The following SYNDIG1 variants were observed in gnomAD, a reference collection of about 807,000 sequenced individuals.
The protein encoded by SYNDIG1 is synapse differentiation-inducing gene protein 1.
A neutral mutation model predicts 19.4 loss-of-function variants in SYNDIG1; 9 were observed. That is an observed-to-expected ratio of 0.46 (90% CI 0.28 to 0.81). SYNDIG1 has a LOEUF of 0.81. Among genes scored for constraint, SYNDIG1 ranks in the 30% least tolerant of loss-of-function variants. The pLI is 0.12. For synonymous variants in SYNDIG1, 141 were observed against 145.9 expected, an observed-to-expected ratio of 0.97 and a Z score of 0.24; for missense variants, 311 against 343.3, an observed-to-expected ratio of 0.91 and a Z score of 0.74.
intron 3 of SYNDIG1, among the ~76,000 whole-genome samples, chr20:24,600,605 C>CTTTTT (rs71183379): frequency 1.4e-4 from 18 of 130,788 alleles, no homozygotes; most frequent in African/African-American, 2.6e-4. Context: ...ATCTTTCTTT[C>CTTTTT]TTTTTTTTTT....
chr20:24,538,237 C>G (rs1374014638), intron 1 of SYNDIG1, among the ~76,000 whole-genome samples: 1 of 152,144 alleles, frequency 6.6e-6, no homozygotes, highest in Non-Finnish European at 1.5e-5. Context: ...CCTTTTCATT[C>G]CATACCTATT....
At chr20:24,641,196 A>C (rs1568710652) in intron 3 of SYNDIG1, among the ~76,000 whole-genome samples, 2 of 152,220 alleles carry the variant, frequency 1.3e-5, no homozygotes, top group African/African-American at 2.4e-5. Flanking sequence ...CCTCATTTTT[A>C]AAGTAGCATT....
At chr20:24,498,927 G>A (rs2056371838) in intron 1 of SYNDIG1, among the ~76,000 whole-genome samples, 1 of 152,210 alleles carries the variant, frequency 6.6e-6, no homozygotes, top group Admixed American at 6.5e-5. Context: ...CCAGGTCATA[G>A]GGTGGTTCGA....
At chr20:24,575,593 T>C (rs1384262530) in intron 2 of SYNDIG1, among the ~76,000 whole-genome samples, 1 of 152,142 alleles carries the variant, frequency 6.6e-6, no homozygotes, top group Non-Finnish European at 1.5e-5. Context: ...GTGCAAGGCA[T>C]TTGTGTTTTA....
chr20:24,626,829 C>A (rs531874097), intron 3 of SYNDIG1, among the ~76,000 whole-genome samples: 25 of 152,376 alleles, frequency 1.6e-4, no homozygotes. Flanking sequence ...ATCCCGGCAC[C>A]TCGGGAGGCC....
At chr20:24,617,356 C>A (rs2058953182) in intron 3 of SYNDIG1, among the ~76,000 whole-genome samples, 1 of 152,194 alleles carries the variant, frequency 6.6e-6, no homozygotes, top group Non-Finnish European at 1.5e-5. Flanking sequence ...ACCTCCGCAC[C>A]CAGCTGACTG....
intron 1 of SYNDIG1, among the ~76,000 whole-genome samples, chr20:24,505,630 T>C (rs1400914805): frequency 6.6e-6 from 1 of 152,238 alleles, no homozygotes; most frequent in East Asian, 1.9e-4. Flanking sequence ...CCATATTTGC[T>C]GTCTTCATGT....
At chr20:24,526,108 G>C (rs150549698) in intron 1 of SYNDIG1, among the ~76,000 whole-genome samples, 1 of 151,944 alleles carries the variant, frequency 6.6e-6, no homozygotes, top group Non-Finnish European at 1.5e-5. Flanking sequence ...TTCCATGTCC[G>C]TATGCTTTAG....
rs2058862227 is a variant in SYNDIG1 at position 24,612,349 on chromosome 20, G to GC, written c.618+27361dup. 2.0e-5 allele frequency among the ~76,000 whole-genome samples: 3 copies of GC among 152,170 alleles called. No homozygotes were observed. In the South Asian group the frequency reaches 6.2e-4, roughly 32 times the overall value. On this transcript the variant is annotated intron_variant, in intron 3 of 3. Transcript: ENST00000376862. The stretch of plus-strand genomic sequence containing the variant: ...TTTGGTACCAGGACAGACATCAGGT[G>GC]CCCCCGAGTCCTGAGTCTACTTGGG...
chr20:24,554,009 T>G (rs1426189712), intron 2 of SYNDIG1, among the ~76,000 whole-genome samples: 1 of 152,244 alleles, frequency 6.6e-6, no homozygotes, highest in Non-Finnish European at 1.5e-5. Context: ...TAGTTCTCCT[T>G]GAAGAGGTCC....
chr20:24,664,409 G>C (rs974788635), intron 3 of SYNDIG1, among the ~76,000 whole-genome samples: 1 of 152,170 alleles, frequency 6.6e-6, no homozygotes, highest in African/African-American at 2.4e-5. Flanking sequence ...CCATGAGAAC[G>C]AGCTAGGACA....
chr20:24,481,165 A>G (rs1050881213), intron 1 of SYNDIG1, among the ~76,000 whole-genome samples: 3 of 152,210 alleles, frequency 2.0e-5, no homozygotes, highest in African/African-American at 7.2e-5. Flanking sequence ...TTGGAAATGT[A>G]AGATTCTAGT....
rs2059549743 is a variant in SYNDIG1, at chr20:24,658,414, G to T, written c.619-6932G>T. Among the ~76,000 whole-genome samples, 1 of 152,100 alleles carries T rather than the reference G, an allele frequency of 6.6e-6. No homozygotes were observed. The highest frequency in any genetic ancestry group is 1.5e-5 in the Non-Finnish European group (1 of 67,992). On this transcript the variant is annotated intron_variant, in intron 3 of 3. Transcript: ENST00000376862. This position sits in a 1 kb window ranked among gnomAD's most constrained non-coding sequence, Gnocchi z 4.4. ...ATGGCCGGTGCTCCTCCCCGTGACA[G>T]ATTCCACACAGGAGCTGCAGGCCGT...
intron 1 of SYNDIG1, among the ~76,000 whole-genome samples, chr20:24,497,719 C>G (rs992208557): frequency 2.0e-5 from 3 of 152,102 alleles, no homozygotes; most frequent in African/African-American, 7.2e-5. Flanking sequence ...TCTAGGCAAC[C>G]CTGGGGCCCA....
chr20:24,497,006 A>C (rs1001479158), intron 1 of SYNDIG1, among the ~76,000 whole-genome samples: 1 of 152,176 alleles, frequency 6.6e-6, no homozygotes, highest in African/African-American at 2.4e-5. Flanking sequence ...AGTAGTACTA[A>C]TACCATTTGC....
chr20:24,535,695 G>A (rs1295656518), intron 1 of SYNDIG1, among the ~76,000 whole-genome samples: 3 of 152,130 alleles, frequency 2.0e-5, no homozygotes, highest in African/African-American at 7.2e-5. Context: ...TAATAACAAG[G>A]GTGACACCAC....
intron 3 of SYNDIG1, among the ~76,000 whole-genome samples, chr20:24,620,478 G>A (rs1193162768): frequency 1.3e-5 from 2 of 152,168 alleles, no homozygotes; most frequent in Non-Finnish European, 2.9e-5. Context: ...CTTTCCATGT[G>A]GTTTCTGCAC....
intron 2 of SYNDIG1, among the ~76,000 whole-genome samples, chr20:24,544,898 C>T (rs2057543397): frequency 6.6e-6 from 1 of 152,120 alleles, no homozygotes; most frequent in African/African-American, 2.4e-5. Flanking sequence ...CTGTGACTTT[C>T]TGCAGCCATG....
intron 2 of SYNDIG1, among the ~76,000 whole-genome samples, chr20:24,559,228 A>T (rs1309878532): frequency 6.6e-6 from 1 of 152,196 alleles, no homozygotes; most frequent in Non-Finnish European, 1.5e-5. Flanking sequence ...TCTTGAATGA[A>T]ACAAGCCAGG....
Sources: gnomAD v4.1 joint callset for allele counts (sites outside exome capture counted in the v4.1 genomes callset) on GRCh38, gnomAD v4.1.1 for gene constraint, Gnocchi (gnomAD v3.1) non-coding constraint, MANE v1.5 for transcripts, NCBI Gene and HGNC (gene_info 2026-07-23, HGNC 2026-07-21) for gene names.